PLCXD3: variants seen among roughly 807,000 people sequenced by gnomAD.
PLCXD3 encodes phosphatidylinositol specific phospholipase C X domain containing 3, also known as PI-PLC X domain-containing protein 3.
Under a neutral mutation model 25.5 loss-of-function variants are expected in PLCXD3, and 19 were observed. The observed-to-expected ratio is 0.75, with a 90% confidence interval of 0.52 to 1.09. The LOEUF (loss-of-function observed/expected upper bound fraction) is 1.09, where lower values mean the gene tolerates loss of function less well. Among genes scored for constraint, PLCXD3 ranks in the 50% least tolerant of loss-of-function variants. The pLI, the probability that PLCXD3 is intolerant of heterozygous loss-of-function variation, is 0.00. For synonymous variants in PLCXD3, 174 were observed against 137.6 expected (o/e 1.26, Z -1.85); for missense variants, 411 against 388.1 (o/e 1.06, Z -0.50).
intron 2 of PLCXD3, among the ~76,000 whole-genome samples, chr5:41,332,634 C>T (rs999884626): frequency 1.1e-4 from 16 of 152,162 alleles, no homozygotes; most frequent in African/African-American, 3.9e-4. Context: ...GCTATAAAGA[C>T]ACATGCACAC....
chr5:41,325,616 T>C (rs1286792458), intron 2 of PLCXD3, among the ~76,000 whole-genome samples: 1 of 152,202 alleles, frequency 6.6e-6, no homozygotes, highest in East Asian at 1.9e-4. Context: ...TTTGTTTTTT[T>C]GCCATTGATA....
At position 41,381,902 on chromosome 5, in the gene PLCXD3, G is replaced by A; in HGVS notation, c.736C>T (p.Gln246Ter). The change falls in exon 2 of 3, where the codon CAG becomes TAG. Residue 246 changes from glutamine (Q) to a stop codon, truncating the protein, a stop_gained. Transcript: ENST00000377801. LOFTEE classifies it high-confidence loss of function. The part of the protein sequence containing the change: ...RRKKGSFFIS[Q>*]VVLTPKASTV... ...CTAGCTTTGGGGGTCAGCACCACCT[G>A]AGATATAAAAAACGATCCCTTCTTT... The A allele has an allele frequency of 6.2e-7, 1 of 1,613,304 alleles. No homozygotes were observed. Among genetic ancestry groups the A allele is most frequent in the Non-Finnish European group, 8.5e-7 (1 of 1,179,670 alleles).
chr5:41,328,244 C>G (rs981387325), intron 2 of PLCXD3, among the ~76,000 whole-genome samples: 3 of 152,130 alleles, frequency 2.0e-5, no homozygotes, highest in South Asian at 2.1e-4. Context: ...GAGTGCTTGT[C>G]TCTCTGTAGT....
At position 41,310,487 on chromosome 5, in the gene PLCXD3, T is replaced by C. The variant is rs556187894; in HGVS notation, c.*3130A>G. 1 of 152,546 alleles carries C rather than the reference T, an allele frequency of 6.6e-6. No homozygotes were observed. Among genetic ancestry groups the C allele is most frequent in the East Asian group, 1.9e-4 (1 of 5,180 alleles). 9.4% of individuals were successfully genotyped at this position (152,546 alleles called of 1,614,324 possible). A position where few individuals can be genotyped will look rare whatever the true frequency, so the allele number is the denominator to read the frequency against. On this transcript the variant is annotated 3_prime_UTR_variant, in exon 3 of 3. Coordinates refer to ENST00000377801, the MANE Select transcript of PLCXD3 (RefSeq NM_001005473.3). ...GTGCACCAAGGTGTATCTACCACCA[T>C]CTTGGCGCCCATGTGTAGCCCTTGT...
At chr5:41,430,244 A>G (rs1747064250) in intron 1 of PLCXD3, among the ~76,000 whole-genome samples, 1 of 152,252 alleles carries the variant, frequency 6.6e-6, no homozygotes, top group Non-Finnish European at 1.5e-5. Context: ...AATGCTATAT[A>G]ACTGTATGTA....
intron 2 of PLCXD3, among the ~76,000 whole-genome samples, chr5:41,319,325 G>A (rs533007582): frequency 1.2e-4 from 19 of 152,116 alleles, no homozygotes; most frequent in African/African-American, 3.4e-4. Context: ...TTTCCTCAGC[G>A]CATGGATCAT....
At chr5:41,411,992 C>A (rs1315292652) in intron 1 of PLCXD3, among the ~76,000 whole-genome samples, 5 of 146,236 alleles carry the variant, frequency 3.4e-5, no homozygotes, top group African/African-American at 1.3e-4. Context: ...ATATCCATAT[C>A]TATCTATCTG....
chr5:41,485,810 T>A (rs1748506383), intron 1 of PLCXD3, among the ~76,000 whole-genome samples: 1 of 152,224 alleles, frequency 6.6e-6, no homozygotes. Context: ...TTACTTGCCC[T>A]AGGTCTTTTT....
At chr5:41,506,406 G>C (rs1304861614) in intron 1 of PLCXD3, among the ~76,000 whole-genome samples, 3 of 152,214 alleles carry the variant, frequency 2.0e-5, no homozygotes, top group African/African-American at 7.2e-5. Flanking sequence ...GAACAAGAGA[G>C]ATATTCATCC....
At chr5:41,373,223 G>C (rs1283045987) in intron 2 of PLCXD3, among the ~76,000 whole-genome samples, 2 of 152,018 alleles carry the variant, frequency 1.3e-5, no homozygotes, top group Admixed American at 6.6e-5. Flanking sequence ...CAACTGACCA[G>C]CATTTCTTCC....
chr5:41,457,194 C>T (rs898347544), intron 1 of PLCXD3, among the ~76,000 whole-genome samples: 33 of 152,052 alleles, frequency 2.2e-4, no homozygotes, highest in Admixed American at 5.9e-4. Flanking sequence ...ACATCCATGT[C>T]GCCTGGTGTC....
At chr5:41,314,675 G>T (rs1743237661) in intron 2 of PLCXD3, among the ~76,000 whole-genome samples, 1 of 152,092 alleles carries the variant, frequency 6.6e-6, no homozygotes, top group Non-Finnish European at 1.5e-5. Context: ...TGGCACTAAT[G>T]GGGTAGCATG....
chr5:41,361,795 A>T (rs1034026308), intron 2 of PLCXD3, among the ~76,000 whole-genome samples: 1 of 152,272 alleles, frequency 6.6e-6, no homozygotes, highest in South Asian at 2.1e-4. Flanking sequence ...ATACAGAAGT[A>T]GTACAGTTAC....
rs550072782 is a variant in PLCXD3 at position 41,336,437 on chromosome 5, A to T, written c.813-22667T>A. 3.9e-5 allele frequency among the ~76,000 whole-genome samples: 6 copies of T among 152,184 alleles called. No homozygotes were observed. The East Asian group carries it at 1.2e-3, about 29-fold the overall frequency. ...CTCCATTATTAGTGTTAATGCTTCA[A>T]GTGCTTAGAACATAGACAGTAAATA... is the stretch of plus-strand genomic sequence containing the variant. On this transcript the variant is annotated intron_variant, in intron 2 of 2. Coordinates refer to ENST00000377801, the MANE Select transcript of PLCXD3 (RefSeq NM_001005473.3).
intron 1 of PLCXD3, among the ~76,000 whole-genome samples, chr5:41,386,397 T>C (rs1306214490): frequency 6.6e-6 from 1 of 152,088 alleles, no homozygotes; most frequent in African/African-American, 2.4e-5. Flanking sequence ...ATCATTTCTA[T>C]ATTTTATGAT....
chr5:41,491,465 C>G (rs1440253626), intron 1 of PLCXD3, among the ~76,000 whole-genome samples: 1 of 152,134 alleles, frequency 6.6e-6, no homozygotes, highest in Non-Finnish European at 1.5e-5. Flanking sequence ...TGGTGCAGAG[C>G]TGAGTTCAAT....
intron 1 of PLCXD3, among the ~76,000 whole-genome samples, chr5:41,452,723 G>T (rs1747663509): frequency 6.6e-6 from 1 of 151,996 alleles, no homozygotes; most frequent in South Asian, 2.1e-4. Flanking sequence ...AATGGTTAAT[G>T]ATTTTTTTGT....
rs561634031 is a variant in PLCXD3, at chr5:41,484,253, A to ACG, written c.103+26170_103+26171insCG. ...TTAAGATCCTGGAACATGCACACACACACACACACACACACACACTAACTG... is the reference window on the plus strand; with the variant it reads ...TTAAGATCCTGGAACATGCACACACACGCACACACACACACACACACTAACTG... On this transcript the variant is annotated intron_variant, in intron 1 of 2. Transcript: ENST00000377801. 2.3e-5 allele frequency among the ~76,000 whole-genome samples: 3 copies of ACG among 129,746 alleles called. No homozygotes were observed. In the South Asian group the frequency reaches 7.3e-4, roughly 32 times the overall value. 85.1% of individuals were successfully genotyped at this position (129,746 alleles called of 152,430 possible). A position where few individuals can be genotyped will look rare whatever the true frequency, so the allele number is the denominator to read the frequency against.
chr5:41,454,153 A>G (rs1747699164), intron 1 of PLCXD3, among the ~76,000 whole-genome samples: 1 of 151,964 alleles, frequency 6.6e-6, no homozygotes. Context: ...CAACCTCAGA[A>G]TGTTATCCTT....
Sources: allele counts gnomAD v4.1 joint callset (sites outside exome capture counted in the v4.1 genomes callset), GRCh38; gene constraint gnomAD v4.1.1; transcripts MANE v1.5; gene names NCBI Gene and HGNC (gene_info 2026-07-23, HGNC 2026-07-21).